The following ZBTB5 variants were observed in gnomAD, a reference collection of about 807,000 sequenced individuals.
ZBTB5 encodes zinc finger and BTB domain-containing protein 5.
Under a neutral mutation model 37.9 loss-of-function variants are expected in ZBTB5, and 15 were observed. That is an observed-to-expected ratio of 0.40 (90% CI 0.26 to 0.61). ZBTB5 has a LOEUF of 0.61. ZBTB5 is among the 20% of genes least tolerant of loss of function. The pLI, the probability that ZBTB5 is intolerant of heterozygous loss-of-function variation, is 0.47. For synonymous variants in ZBTB5, 315 were observed against 312.4 expected (o/e 1.01, Z -0.09); for missense variants, 708 against 856.8 (o/e 0.83, Z 2.17).
rs570263671 is a variant in ZBTB5, at chr9:37,459,774, G to A, written c.-5+5441C>T. ...TGCCCAGGCTGGAGTGCAGTGGTGC[G>A]ATCTCGGCTCACTGCAAGCTCTGCC... On this transcript the variant is annotated intron_variant, in intron 1 of 1. Coordinates refer to ENST00000307750, the MANE Select transcript of ZBTB5 (RefSeq NM_014872.3). Among the ~76,000 whole-genome samples, 283 of 146,768 alleles carry A rather than the reference G, an allele frequency of 1.9e-3. 2 individuals carry two copies. The highest frequency in any genetic ancestry group is 6.7e-3 in the African/African-American group (267 of 39,644).
intron 1 of ZBTB5, among the ~76,000 whole-genome samples, chr9:37,464,627 T>C (rs1046395762): frequency 3.8e-4 from 58 of 152,334 alleles, no homozygotes; most frequent in Admixed American, 2.2e-3. Context: ...GGCAGTGTCT[T>C]ACCACCGCAT....
chr9:37,448,729 T>C lies in ZBTB5; in HGVS notation c.-4-6174A>G, dbSNP rs574555825. On this transcript the variant is annotated intron_variant, in intron 1 of 1. Transcript: ENST00000307750. ...ATTAAAACAGAAAATTTAAAACTATTTGTCAACTTATTTAAAAATAGTAAT... is the reference window on the plus strand; with the variant it reads ...ATTAAAACAGAAAATTTAAAACTATCTGTCAACTTATTTAAAAATAGTAAT... Among the ~76,000 whole-genome samples, 6 of 152,318 alleles carry C rather than the reference T, an allele frequency of 3.9e-5. No homozygotes were observed. In the East Asian group the frequency reaches 1.2e-3, roughly 29 times the overall value.
In ZBTB5 at chr9:37,464,461, T is replaced by C. The variant is rs552448728; in HGVS notation, c.-5+754A>G. Among the ~76,000 whole-genome samples the C allele has an allele frequency of 1.1e-4, 17 of 152,320 alleles. No individual in the cohort carries two copies. The South Asian group carries it at 3.5e-3, about 32-fold the overall frequency. Reference sequence around the variant, plus strand: ...TAGGATTTGCCTTCTGTTCAGAAAATTAGTTTCCACAATATCCTTCACTAT... The same window carrying C: ...TAGGATTTGCCTTCTGTTCAGAAAACTAGTTTCCACAATATCCTTCACTAT... On this transcript the variant is annotated intron_variant, in intron 1 of 1. Transcript: ENST00000307750.
intron 1 of ZBTB5, among the ~76,000 whole-genome samples, chr9:37,449,715 AGAAT>A (rs1177150926): frequency 1.3e-5 from 2 of 151,030 alleles, no homozygotes; most frequent in East Asian, 1.9e-4. Context: ...AAAAAAAAAA[AGAAT>A]GAGTAAAAAT....
intron 1 of ZBTB5, among the ~76,000 whole-genome samples, chr9:37,452,137 C>A (rs1194568534): frequency 6.6e-6 from 1 of 152,158 alleles, no homozygotes; most frequent in African/African-American, 2.4e-5. Context: ...TTGGCCTACG[C>A]ACAGGAATGA....
chr9:37,443,143 A>G (rs1203915050), intron 1 of ZBTB5, among the ~76,000 whole-genome samples: 1 of 152,062 alleles, frequency 6.6e-6, no homozygotes, highest in Non-Finnish European at 1.5e-5. Context: ...TGAGGTCAGG[A>G]GTTCAAGACG....
In ZBTB5 at chr9:37,442,271, C is replaced by G; in HGVS notation, c.281G>C (p.Ser94Thr). The G allele has an allele frequency of 6.2e-7, 1 of 1,614,230 alleles. No homozygotes were observed. The highest frequency in any genetic ancestry group is 8.5e-7 in the Non-Finnish European group (1 of 1,180,036). ...TGCCAATAAGACATCCATTACATTG[C>G]TCTCCCCCAGCATGAGGGTGGAGGT... ...MYTSTLMLGE[S>T]NVMDVLLAAS... The change falls in exon 2 of 2, where the codon AGC (serine) becomes ACC (threonine). Residue 94 changes from serine (S) to threonine (T), a missense_variant. Transcript: ENST00000307750.
intron 1 of ZBTB5, among the ~76,000 whole-genome samples, chr9:37,454,184 A>G (rs1323724980): frequency 6.6e-6 from 1 of 152,200 alleles, no homozygotes; most frequent in African/African-American, 2.4e-5. Flanking sequence ...AATTCAGTTC[A>G]TTTGGGGGAT....
chr9:37,446,503 T>C (rs1271620349), intron 1 of ZBTB5, among the ~76,000 whole-genome samples: 1 of 152,276 alleles, frequency 6.6e-6, no homozygotes, highest in African/African-American at 2.4e-5. Context: ...GTTTTGCCTA[T>C]GTTTGTTGAG....
At position 37,442,271 on chromosome 9, in the gene ZBTB5, C is replaced by A. The variant is rs745972779; in HGVS notation, c.281G>T (p.Ser94Ile). Residue 94 changes from serine to isoleucine, a missense_variant, in exon 2 of 2, where the codon AGC (serine) becomes ATC (isoleucine). Around this residue, in one of 3 missense-constraint regions of ZBTB5, gnomAD observed 639 missense variants for 690.5 expected, o/e 0.93. Transcript: ENST00000307750. The stretch of plus-strand genomic sequence containing the variant: ...TGCCAATAAGACATCCATTACATTG[C>A]TCTCCCCCAGCATGAGGGTGGAGGT... ...MYTSTLMLGE[S>I]NVMDVLLAAS... 1.2e-6 allele frequency: 2 copies of A among 1,614,230 alleles called. No individual in the cohort carries two copies. The highest frequency in any genetic ancestry group is 2.2e-5 in the South Asian group (2 of 91,086).
At chr9:37,442,777 C>T (rs1484327373) in intron 1 of ZBTB5, among the ~76,000 whole-genome samples, 2 of 152,106 alleles carry the variant, frequency 1.3e-5, no homozygotes, top group African/African-American at 2.4e-5. Flanking sequence ...GCCTAGCTAC[C>T]GACAGGCTCC....
intron 1 of ZBTB5, among the ~76,000 whole-genome samples, chr9:37,456,422 T>C (rs1305630639): frequency 6.6e-6 from 1 of 152,246 alleles, no homozygotes; most frequent in Non-Finnish European, 1.5e-5. Context: ...GCATGACTAA[T>C]GTCATAATAT....
chr9:37,445,291 T>C (rs1043522924), intron 1 of ZBTB5, among the ~76,000 whole-genome samples: 1 of 152,168 alleles, frequency 6.6e-6, no homozygotes, highest in Non-Finnish European at 1.5e-5. Context: ...CTTATTAATC[T>C]AGAAATACAG....
intron 1 of ZBTB5, among the ~76,000 whole-genome samples, chr9:37,442,883 T>C (rs1399402444): frequency 6.6e-6 from 1 of 152,214 alleles, no homozygotes; most frequent in African/African-American, 2.4e-5. Context: ...CAGAAGTTTG[T>C]TAGAATTCTG....
intron 1 of ZBTB5, among the ~76,000 whole-genome samples, chr9:37,445,590 G>A (rs1332073171): frequency 1.3e-5 from 2 of 151,298 alleles, no homozygotes; most frequent in Non-Finnish European, 2.9e-5. Context: ...AACTTGCAGT[G>A]AGCAGAGATC....
At chr9:37,462,844 G>A (rs1249304309) in intron 1 of ZBTB5, among the ~76,000 whole-genome samples, 1 of 152,026 alleles carries the variant, frequency 6.6e-6, no homozygotes, top group Non-Finnish European at 1.5e-5. Flanking sequence ...AATTACAGGC[G>A]TGAGCCACCA....
Position 37,441,904 on chromosome 9 carries a change from A to G in ZBTB5, c.648T>C (p.Asp216=). 1 of 1,614,160 alleles carries G rather than the reference A, an allele frequency of 6.2e-7. No individual in the cohort carries two copies. The highest frequency in any genetic ancestry group is 8.5e-7 in the Non-Finnish European group (1 of 1,180,028). Residue 216 remains aspartate (D), a synonymous_variant, in exon 2 of 2, where the codon GAT becomes GAC. Coordinates refer to ENST00000307750, the MANE Select transcript of ZBTB5 (RefSeq NM_014872.3). ...CTGAAGGCCCATTCTCCGGTGTAAC[A>G]TCTGAAATGGCAGACTCATCTATGG... ...RPSIDESAIS[D]VTPENGPSGV...
At chr9:37,464,969 T>C (rs1056863424) in intron 1 of ZBTB5, among the ~76,000 whole-genome samples, 1 of 151,950 alleles carries the variant, frequency 6.6e-6, no homozygotes, top group African/African-American at 2.4e-5. Flanking sequence ...TCCACAGGAG[T>C]ACCAGCCCCC....
chr9:37,448,320 C>T (rs1483436751), intron 1 of ZBTB5, among the ~76,000 whole-genome samples: 1 of 152,142 alleles, frequency 6.6e-6, no homozygotes, highest in Non-Finnish European at 1.5e-5. Flanking sequence ...CATCTTCAGG[C>T]AATACAGAGG....
Sources: gnomAD v4.1 joint callset for allele counts (sites outside exome capture counted in the v4.1 genomes callset) on GRCh38, gnomAD v4.1.1 for gene constraint, gnomAD v4.1.1 regional missense constraint, MANE v1.5 for transcripts, NCBI Gene and HGNC (gene_info 2026-07-23, HGNC 2026-07-21) for gene names.